The following PLPP4 variants were observed in gnomAD, a reference collection of about 807,000 sequenced individuals.
PLPP4 encodes the protein phospholipid phosphatase 4.
PLPP4 carries 20 observed loss-of-function variants against 32.2 expected under a neutral mutation model. The observed-to-expected ratio is 0.62, with a 90% CI of 0.44 to 0.90. PLPP4 has a LOEUF of 0.90. Ranked by LOEUF, PLPP4 falls within the 40% of genes least tolerant of loss-of-function variation. PLPP4 has a pLI of 0.00. For missense variants in PLPP4, 257 were observed against 353.1 expected (o/e 0.73, Z 2.18); for synonymous variants, 127 against 133.0 (o/e 0.95, Z 0.31).
intron 1 of PLPP4, among the ~76,000 whole-genome samples, chr10:120,463,759 A>G (rs979106368): frequency 6.6e-6 from 1 of 150,944 alleles, no homozygotes; most frequent in Non-Finnish European, 1.5e-5. Context: ...AACCATAGCT[A>G]TTCTCCTCAG....
chr10:120,510,328 A>G (rs1371729190), intron 2 of PLPP4, among the ~76,000 whole-genome samples: 1 of 152,074 alleles, frequency 6.6e-6, no homozygotes, highest in Non-Finnish European at 1.5e-5. Context: ...ATAAGCTCTG[A>G]CCACTCCCCA....
chr10:120,479,409 G>A (rs1314371937), intron 1 of PLPP4, among the ~76,000 whole-genome samples: 3 of 152,186 alleles, frequency 2.0e-5, no homozygotes, highest in Non-Finnish European at 4.4e-5. Flanking sequence ...CTATCACTGA[G>A]CATCTGTCCC....
chr10:120,557,013 AT>A (rs35136054), intron 5 of PLPP4, among the ~76,000 whole-genome samples: 7,949 of 152,254 alleles, frequency 0.052, 288 homozygotes, highest in Middle Eastern at 0.14. Context: ...TAACAAAAGT[AT>A]TTTATTTCAT....
chr10:120,475,031 G>C (rs1286013825), intron 1 of PLPP4, among the ~76,000 whole-genome samples: 1 of 152,132 alleles, frequency 6.6e-6, no homozygotes, highest in Non-Finnish European at 1.5e-5. Context: ...TGGATGGGGA[G>C]GGGGAAGAAA....
At chr10:120,541,602 C>T (rs1847343626) in intron 5 of PLPP4, among the ~76,000 whole-genome samples, 1 of 152,136 alleles carries the variant, frequency 6.6e-6, no homozygotes, top group Admixed American at 6.5e-5. Context: ...TCAACACGTT[C>T]CTTTTGGAGT....
At chr10:120,501,743 C>T (rs1036174611) in intron 1 of PLPP4, among the ~76,000 whole-genome samples, 4 of 152,192 alleles carry the variant, frequency 2.6e-5, no homozygotes, top group East Asian at 1.9e-4. Context: ...CCTGGCCCAT[C>T]AGGGCCACCT....
intron 6 of PLPP4, among the ~76,000 whole-genome samples, chr10:120,578,801 G>A (rs1171111400): frequency 6.6e-6 from 1 of 152,218 alleles, no homozygotes; most frequent in Non-Finnish European, 1.5e-5. Flanking sequence ...CTAAATCTCT[G>A]TGTGGCTGAT....
At chr10:120,527,169 A>G (rs1247584115) in intron 5 of PLPP4, among the ~76,000 whole-genome samples, 1 of 152,136 alleles carries the variant, frequency 6.6e-6, no homozygotes, top group African/African-American at 2.4e-5. Context: ...CAATCAATTG[A>G]TTGATTTATT....
rs1244074642 is a variant in PLPP4 at position 120,589,290 on chromosome 10, G to C, written c.617-13G>C. ...GGTAACCCATTTTTCCTGCTCTGCT[G>C]TTTCCTGCCTAGATTCCTTTGTGGG... is the stretch of plus-strand genomic sequence containing the variant. On this transcript the variant is annotated splice_polypyrimidine_tract_variant and intron_variant, in intron 6 of 6. Transcript: ENST00000398250. The C allele has an allele frequency of 1.2e-6, 2 of 1,613,618 alleles. No individual in the cohort carries two copies. The highest frequency in any genetic ancestry group is 1.7e-6 in the Non-Finnish European group (2 of 1,179,662).
chr10:120,531,664 G>A (rs528696743), intron 5 of PLPP4, among the ~76,000 whole-genome samples: 17 of 152,074 alleles, frequency 1.1e-4, no homozygotes, highest in African/African-American at 3.9e-4. Context: ...CATGTATTCA[G>A]CACCATTTGT....
chr10:120,528,316 C>T lies in PLPP4; in HGVS notation c.445+7221C>T, dbSNP rs925102604. Among the ~76,000 whole-genome samples the T allele has an allele frequency of 3.7e-4, 56 of 152,170 alleles. 1 individual carries two copies. The highest frequency in any genetic ancestry group is 1.3e-3 in the Admixed American group (20 of 15,292). On this transcript the variant is annotated intron_variant, in intron 5 of 6. Coordinates refer to ENST00000398250, the MANE Select transcript of PLPP4 (RefSeq NM_001030059.3). ...GTCTCCATCTCCTGACCTCGTGATC[C>T]GTCCGCCTCGGCCTCCCAAAGTGCT...
At chr10:120,521,201 G>A (rs1476969134) in intron 5 of PLPP4, 106 bp downstream of exon 5, 34 of 1,375,672 alleles carry the variant, frequency 2.5e-5, no homozygotes, top group African/African-American at 2.9e-5. Context: ...AATGTTAAGC[G>A]CAGTTCATTT....
intron 1 of PLPP4, among the ~76,000 whole-genome samples, chr10:120,473,685 T>C (rs895978341): frequency 6.6e-6 from 1 of 152,182 alleles, no homozygotes. Flanking sequence ...AACTGAATCA[T>C]GGGGTGAGAC....
intron 6 of PLPP4, among the ~76,000 whole-genome samples, chr10:120,579,301 C>T (rs755339949): frequency 6.6e-6 from 1 of 152,150 alleles, no homozygotes; most frequent in Admixed American, 6.5e-5. Flanking sequence ...TGGATGTAAT[C>T]TAGGGAAACA....
chr10:120,466,649 A>G (rs1381593775), intron 1 of PLPP4, among the ~76,000 whole-genome samples: 2 of 152,106 alleles, frequency 1.3e-5, no homozygotes, highest in African/African-American at 4.8e-5. Flanking sequence ...GTTGAACTGA[A>G]TGACATTCCC....
chr10:120,534,778 CT>C (rs1846928599), intron 5 of PLPP4, among the ~76,000 whole-genome samples: 2 of 152,038 alleles, frequency 1.3e-5, no homozygotes, highest in Admixed American at 1.3e-4. Context: ...CAATTCCAGA[CT>C]TTCTATTTGG....
At chr10:120,462,763 A>ATCTG (rs202086238) in intron 1 of PLPP4, among the ~76,000 whole-genome samples, 2 of 152,136 alleles carry the variant, frequency 1.3e-5, no homozygotes, top group Non-Finnish European at 2.9e-5. Context: ...TGCATTTTGA[A>ATCTG]CAGGGGCTCC....
chr10:120,573,880 C>T (rs1461217980), intron 5 of PLPP4, among the ~76,000 whole-genome samples: 2 of 152,068 alleles, frequency 1.3e-5, no homozygotes, highest in African/African-American at 2.4e-5. Flanking sequence ...ATGCCCAGAC[C>T]GTGGCTCAGG....
intron 5 of PLPP4, among the ~76,000 whole-genome samples, chr10:120,521,337 C>T (rs1846146513): frequency 6.6e-6 from 1 of 152,148 alleles, no homozygotes; most frequent in East Asian, 1.9e-4. Flanking sequence ...CAGAGCATAA[C>T]ATGTGATACT....
Sources: allele counts gnomAD v4.1 joint callset (sites outside exome capture counted in the v4.1 genomes callset), GRCh38; gene constraint gnomAD v4.1.1; transcripts MANE v1.5; gene names NCBI Gene and HGNC (gene_info 2026-07-23, HGNC 2026-07-21).